TM2D3: variants seen among roughly 807,000 people sequenced by gnomAD.
TM2D3 encodes TM2 domain-containing protein 3.
TM2D3 carries 33 observed loss-of-function variants against 27.3 expected under a neutral mutation model. The observed-to-expected ratio is 1.21, with a 90% confidence interval of 0.92 to 1.61. TM2D3 has a LOEUF of 1.61. Among genes scored for constraint, TM2D3 ranks in the 40% most tolerant of loss-of-function variants. The pLI is 0.00. For missense variants in TM2D3, 364 were observed against 320.8 expected (o/e 1.13, Z -1.03); for synonymous variants, 138 against 122.2 (o/e 1.13, Z -0.85).
chr15:101,639,087 A>G (rs1896611843), downstream of TM2D3, among the ~76,000 whole-genome samples: 1 of 152,196 alleles, frequency 6.6e-6, no homozygotes, highest in East Asian at 1.9e-4. Flanking sequence ...GTGTTTATGG[A>G]AGACAATTTC....
intron 4 of TM2D3, chr15:101,645,900 A>C (rs2956846): frequency 0.36 from 53,987 of 151,808 alleles, 10,581 homozygotes; most frequent in Non-Finnish European, 0.45. Context: ...GACAACTTTA[A>C]GACCAAATTT....
downstream of TM2D3, among the ~76,000 whole-genome samples, chr15:101,637,860 A>G (rs1896582544): frequency 6.6e-6 from 1 of 152,220 alleles, no homozygotes; most frequent in Non-Finnish European, 1.5e-5. Flanking sequence ...GTAAAAGGAC[A>G]ACTTCATAAT....
At chr15:101,635,696 G>A (rs1896537569) in intron 4 of TM2D3, 1 of 152,186 alleles carries the variant, frequency 6.6e-6, no homozygotes, top group Admixed American at 6.5e-5. Context: ...TTCATGAAAG[G>A]AAGAACTTAG....
intron 3 of TM2D3, among the ~76,000 whole-genome samples, chr15:101,647,642 G>A (rs1896849464): frequency 6.6e-6 from 1 of 152,112 alleles, no homozygotes; most frequent in Admixed American, 6.5e-5. Context: ...TTCTTTGTAT[G>A]TTACATATTT....
chr15:101,649,334 A>C (rs1289459251), intron 3 of TM2D3, among the ~76,000 whole-genome samples: 1 of 151,912 alleles, frequency 6.6e-6, no homozygotes, highest in Non-Finnish European at 1.5e-5. Flanking sequence ...AGAAATCTCC[A>C]ATTTTTAGGA....
At chr15:101,647,712 G>A (rs559180844) in intron 3 of TM2D3, among the ~76,000 whole-genome samples, 21 of 151,856 alleles carry the variant, frequency 1.4e-4, no homozygotes, top group Non-Finnish European at 2.8e-4. Flanking sequence ...TCTTCTTTCC[G>A]TTTCTTCTAC....
chr15:101,650,133 C>T lies in TM2D3; in HGVS notation c.198G>A (p.Met66Ile). 3 of 1,613,990 alleles carry T rather than the reference C, an allele frequency of 1.9e-6. No individual in the cohort carries two copies. Among genetic ancestry groups the T allele is most frequent in the East Asian group, 2.2e-5 (1 of 44,884 alleles). Residue 66 changes from methionine to isoleucine, a missense_variant, in exon 3 of 6, where the codon ATG becomes ATA. Coordinates refer to ENST00000333202, the MANE Select transcript of TM2D3 (RefSeq NM_078474.3). ...AESTEIPPYV[M>I]KCPSNGLCSR... ...TACACAAACCATTGCTCGGACACTT[C>T]ATCACATAAGGTGGGATTTCAGTAC...
chr15:101,633,845 A>C, intron 4 of TM2D3: 2 of 834,064 alleles, frequency 2.4e-6, no homozygotes, highest in Non-Finnish European at 3.6e-6. Flanking sequence ...GACATTCACA[A>C]CTTGATTGAG....
intron 4 of TM2D3, chr15:101,635,593 CA>C (rs1896533943): frequency 1.3e-5 from 2 of 152,012 alleles, no homozygotes; most frequent in Non-Finnish European, 2.9e-5. Context: ...CCAGTGTGGA[CA>C]AATCAACGTT....
At chr15:101,645,008 C>G in intron 5 of TM2D3, 79 bp downstream of exon 5, 1 of 1,234,688 alleles carries the variant, frequency 8.1e-7, no homozygotes, top group Non-Finnish European at 1.2e-6. Flanking sequence ...ATGAAGGGGA[C>G]TGAGCTCAAT....
Position 101,642,230 on chromosome 15 carries a change from CTG to C in TM2D3, c.*247_*248del. 8.5e-7 allele frequency: 1 copy of C among 1,171,298 alleles called. No homozygotes were observed. The highest frequency in any genetic ancestry group is 1.1e-6 in the Non-Finnish European group (1 of 949,082). 72.6% of individuals were successfully genotyped at this position (1,171,298 alleles called of 1,614,324 possible). ...TAGGAATTAAATGGATTTTCAATCA[CTG>C]TATAATTCATTCTCCTGGCTTAAGT... On this transcript the variant is annotated 3_prime_UTR_variant, in exon 6 of 6. Coordinates refer to ENST00000333202, the MANE Select transcript of TM2D3 (RefSeq NM_078474.3).
chr15:101,650,181 A>G lies in TM2D3; in HGVS notation c.170-20T>C. ...TACTTTCTGTGAGAGGCAAGAGAGA[A>G]GCTTATTCTCCTATAATACTGATTC... is the stretch of plus-strand genomic sequence containing the variant. On this transcript the variant is annotated intron_variant, in intron 2 of 5. Transcript: ENST00000333202. 2 of 1,609,448 alleles carry G rather than the reference A, an allele frequency of 1.2e-6. No homozygotes were observed. The highest frequency in any genetic ancestry group is 8.5e-7 in the Non-Finnish European group (1 of 1,177,726).
chr15:101,637,277 G>C (rs1896571483), downstream of TM2D3, among the ~76,000 whole-genome samples: 1 of 152,202 alleles, frequency 6.6e-6, no homozygotes, highest in South Asian at 2.1e-4. Context: ...TGCAGATGAA[G>C]CCTCCAGATT....
intron 4 of TM2D3, chr15:101,634,530 GAAT>G (rs1896515418): frequency 6.6e-6 from 1 of 152,166 alleles, no homozygotes; most frequent in Admixed American, 6.5e-5. Flanking sequence ...GTAATTGACA[GAAT>G]AAGAACACGG....
intron 1 of TM2D3, 121 bp downstream of exon 1, chr15:101,652,150 G>C (rs1388327129): frequency 3.4e-5 from 33 of 967,212 alleles, no homozygotes; most frequent in East Asian, 9.1e-5. Context: ...AAGCGGCCCG[G>C]AGCCCGGCAC....
intron 3 of TM2D3, 131 bp from the exon 4 acceptor site, chr15:101,647,030 A>C (rs1896832413): frequency 1.2e-6 from 1 of 860,626 alleles, no homozygotes; most frequent in Admixed American, 2.4e-5. Flanking sequence ...TAAGTGCCAG[A>C]AAAACAGTTA....
Position 101,652,175 on chromosome 15 carries a change from G to A in TM2D3, c.91+96C>T, listed in dbSNP as rs901676944. ...GAGCCCGGCACTCGGCCTCCTCCCC[G>A]CGTCAGCGTCCGCCCGTGGGCCCGG... On this transcript the variant is annotated intron_variant, in intron 1 of 5. Coordinates refer to ENST00000333202, the MANE Select transcript of TM2D3 (RefSeq NM_078474.3). 1.3e-4 allele frequency: 151 copies of A among 1,170,118 alleles called. 1 individual carries two copies. The highest frequency in any genetic ancestry group is 1.7e-4 in the Non-Finnish European group (142 of 812,176). 72.5% of individuals were successfully genotyped at this position (1,170,118 alleles called of 1,614,324 possible).
chr15:101,633,598 G>T, exon 5 of TM2D3: 1 of 1,233,416 alleles, frequency 8.1e-7, no homozygotes, highest in Non-Finnish European at 1.1e-6. Context: ...ACGCTCATCT[G>T]CAACAACACA....
intron 1 of TM2D3, 68 bp from the exon 2 acceptor site, chr15:101,651,841 G>T: frequency 1.3e-6 from 2 of 1,544,618 alleles, no homozygotes; most frequent in Non-Finnish European, 1.8e-6. Flanking sequence ...ATTTTGTGTG[G>T]TTAACACGGC....
Sources: gnomAD v4.1 joint callset for allele counts (sites outside exome capture counted in the v4.1 genomes callset) on GRCh38, gnomAD v4.1.1 for gene constraint, MANE v1.5 for transcripts, NCBI Gene and HGNC (gene_info 2026-07-23, HGNC 2026-07-21) for gene names.